Variants in RARS2 observed in about 807,000 individuals in gnomAD.
RARS2 encodes probable arginine--tRNA ligase, mitochondrial.
RARS2 carries 67 observed loss-of-function variants against 88.5 expected under a neutral mutation model. The ratio of observed to expected loss-of-function variants is 0.76; its 90% CI spans 0.62 to 0.93. The LOEUF (loss-of-function observed/expected upper bound fraction) is 0.93. RARS2 is among the 40% of genes least tolerant of loss of function. RARS2 has a pLI of 0.00. For synonymous variants in RARS2, 239 were observed against 230.3 expected (o/e 1.04, Z -0.34); for missense variants, 664 against 684.2 (o/e 0.97, Z 0.33).
At chr6:87,516,190 CAATTTT>C (rs1771677236) in intron 18 of RARS2, among the ~76,000 whole-genome samples, 1 of 152,096 alleles carries the variant, frequency 6.6e-6, no homozygotes, top group Non-Finnish European at 1.5e-5. Flanking sequence ...AGGGTGGACT[CAATTTT>C]GATTTCAATT....
At position 87,521,474 on chromosome 6, in the gene RARS2, A is replaced by G; in HGVS notation, c.1025T>C (p.Met342Thr). The part of the protein sequence containing the change: ...DRMDKYNFDT[M>T]IYVTDKGQKK... The stretch of plus-strand genomic sequence containing the variant: ...GTTCTGATTACTTACCACATATATC[A>G]TTGTATCAAAATTATACTTGTCCAT... The change falls in exon 12 of 20, where the codon ATG becomes ACG. Residue 342 changes from methionine (M) to threonine (T), a missense_variant. Met to Thr is a moderately conservative substitution (Grantham distance 81). Coordinates refer to ENST00000369536, the MANE Select transcript of RARS2 (RefSeq NM_020320.5). The G allele has an allele frequency of 1.9e-6, 3 of 1,606,558 alleles. No homozygotes were observed. The highest frequency in any genetic ancestry group is 2.2e-5 in the South Asian group (2 of 90,904).
chr6:87,548,691 C>A, intron 5 of RARS2, 45 bp from the exon 6 acceptor site: 2 of 1,558,824 alleles, frequency 1.3e-6, no homozygotes, highest in East Asian at 2.3e-5. Flanking sequence ...AGACTTAAGA[C>A]TTCTAAGAAT....
At chr6:87,560,604 A>G (rs1035831394) in intron 4 of RARS2, among the ~76,000 whole-genome samples, 18 of 152,230 alleles carry the variant, frequency 1.2e-4, no homozygotes, top group Non-Finnish European at 2.1e-4. Flanking sequence ...AATCCATTAA[A>G]TATGCAAATG....
chr6:87,531,684 T>C (rs779072240), intron 8 of RARS2, among the ~76,000 whole-genome samples: 1 of 152,042 alleles, frequency 6.6e-6, no homozygotes, highest in African/African-American at 2.4e-5. Flanking sequence ...TAGGGTGGAG[T>C]TGATGGTTTA....
At chr6:87,544,964 A>T (rs1470521896) in intron 7 of RARS2, among the ~76,000 whole-genome samples, 1 of 152,204 alleles carries the variant, frequency 6.6e-6, no homozygotes, top group African/African-American at 2.4e-5. Context: ...TTAGATTGAA[A>T]AATGGCAGGG....
rs557276324 is a variant in RARS2, at chr6:87,573,310, C to T, written c.37-3720G>A. Among the ~76,000 whole-genome samples, 12 of 152,138 alleles carry T rather than the reference C, an allele frequency of 7.9e-5. No individual in the cohort carries two copies. The South Asian group carries it at 8.3e-4, about 11-fold the overall frequency. On this transcript the variant is annotated intron_variant, in intron 1 of 19. Transcript: ENST00000369536. The stretch of plus-strand genomic sequence containing the variant: ...CCAGATCTTGTGAGAATTCTATCAC[C>T]GAGGCAGCACTAGGGGAATGGTGCT...
At chr6:87,584,899 T>C (rs1774678201) in intron 1 of RARS2, among the ~76,000 whole-genome samples, 1 of 152,064 alleles carries the variant, frequency 6.6e-6, no homozygotes, top group Non-Finnish European at 1.5e-5. Context: ...GTCAACCCCT[T>C]AGAAAAAATC....
intron 1 of RARS2, among the ~76,000 whole-genome samples, chr6:87,581,816 T>C (rs1019538855): frequency 2.6e-5 from 4 of 152,120 alleles, no homozygotes; most frequent in Non-Finnish European, 4.4e-5. Flanking sequence ...TGTGTTCTCA[T>C]TGTTCAGCTC....
chr6:87,563,917 A>G (rs569680886), intron 3 of RARS2, among the ~76,000 whole-genome samples: 1 of 152,360 alleles, frequency 6.6e-6, no homozygotes, highest in African/African-American at 2.4e-5. Context: ...CAAAAAATTG[A>G]ACAATGTCAG....
In RARS2 at chr6:87,520,243, T is replaced by C; in HGVS notation, c.1049A>G (p.Gln350Arg). 1 of 1,610,530 alleles carries C rather than the reference T, an allele frequency of 6.2e-7. No individual in the cohort carries two copies. The highest frequency in any genetic ancestry group is 8.5e-7 in the Non-Finnish European group (1 of 1,177,094). Residue 350 changes from glutamine to arginine, a missense_variant, in exon 13 of 20, where the codon CAA becomes CGA. Coordinates refer to ENST00000369536, the MANE Select transcript of RARS2 (RefSeq NM_020320.5). ...GAATACTTGCTGAAAATGCTTTTTT[T>C]GTCCTTTATCTGTCTTGGGAAGAAA... ...DTMIYVTDKGQKKHFQQVFQM... is the reference protein window; with the variant it reads ...DTMIYVTDKGRKKHFQQVFQM...
intron 4 of RARS2, 151 bp from the exon 5 acceptor site, chr6:87,555,656 C>T (rs1785636714): frequency 1.5e-6 from 1 of 655,960 alleles, no homozygotes; most frequent in Non-Finnish European, 2.7e-6. Context: ...TCCAGCACCA[C>T]TTTTCTTGTT....
intron 1 of RARS2, among the ~76,000 whole-genome samples, chr6:87,578,815 C>T (rs1470689689): frequency 1.3e-5 from 2 of 152,088 alleles, no homozygotes; most frequent in South Asian, 4.2e-4. Flanking sequence ...AAAAAATTAG[C>T]CAGGCGTGGT....
chr6:87,584,752 G>A (rs1774621223), intron 1 of RARS2: 1 of 457,820 alleles, frequency 2.2e-6, no homozygotes, highest in African/African-American at 2.0e-5. Context: ...ATGAACAGAA[G>A]TCATATCTCA....
In RARS2 at chr6:87,529,649, C is replaced by T. The variant is rs2128057942; in HGVS notation, c.772-1G>A. On this transcript the variant is annotated splice_acceptor_variant, in intron 9 of 19. Coordinates refer to ENST00000369536, the MANE Select transcript of RARS2 (RefSeq NM_020320.5). LOFTEE classifies it high-confidence loss of function. The stretch of plus-strand genomic sequence containing the variant: ...ATTCATCAAAATATACTCCCAGACG[C>T]TAAAAGAGTTCAGAAACAAAAAGAC... 1 of 1,586,368 alleles carries T rather than the reference C, an allele frequency of 6.3e-7. No individual in the cohort carries two copies. Among genetic ancestry groups the T allele is most frequent in the African/African-American group, 1.3e-5 (1 of 74,374 alleles).
intron 8 of RARS2, among the ~76,000 whole-genome samples, chr6:87,539,531 T>C (rs1044739821): frequency 1.3e-5 from 2 of 152,232 alleles, no homozygotes; most frequent in African/African-American, 4.8e-5. Flanking sequence ...TTTTTACCTT[T>C]CTCAGCATTT....
intron 1 of RARS2, among the ~76,000 whole-genome samples, chr6:87,579,783 G>C (rs1772894917): frequency 7.7e-6 from 1 of 129,548 alleles, no homozygotes; most frequent in African/African-American, 3.0e-5. Flanking sequence ...CTGGAGTGCA[G>C]TGATGCAATC....
At chr6:87,556,615 T>C (rs1471723966) in intron 4 of RARS2, among the ~76,000 whole-genome samples, 2 of 151,510 alleles carry the variant, frequency 1.3e-5, no homozygotes, top group Non-Finnish European at 2.9e-5. Flanking sequence ...TGAAACCCCA[T>C]CTCTACTAAA....
At chr6:87,534,747 G>A (rs1019947092) in intron 8 of RARS2, among the ~76,000 whole-genome samples, 3 of 152,180 alleles carry the variant, frequency 2.0e-5, no homozygotes, top group Non-Finnish European at 2.9e-5. Context: ...GGAATGGGGA[G>A]GAGATGGGGA....
intron 8 of RARS2, among the ~76,000 whole-genome samples, chr6:87,537,928 T>C (rs997701252): frequency 5.9e-5 from 9 of 152,186 alleles, no homozygotes; most frequent in Admixed American, 5.9e-4. Flanking sequence ...ATTTGTGACA[T>C]TGCAGGGCAA....
Sources: gnomAD v4.1 joint callset for allele counts (sites outside exome capture counted in the v4.1 genomes callset) on GRCh38, gnomAD v4.1.1 for gene constraint, MANE v1.5 for transcripts, NCBI Gene and HGNC (gene_info 2026-07-23, HGNC 2026-07-21) for gene names.